The following MPDZ variants were observed in gnomAD, a reference collection of about 807,000 sequenced individuals.
The protein encoded by MPDZ is multiple PDZ domain protein.
In MPDZ, 234 loss-of-function variants were observed where a neutral mutation model predicts 239.1. That is an observed-to-expected ratio of 0.98 (90% CI 0.88 to 1.09). The LOEUF is 1.09. Ranked by LOEUF, MPDZ falls within the 50% of genes least tolerant of loss-of-function variation. The pLI, the probability that MPDZ is intolerant of heterozygous loss-of-function variation, is 0.00. For missense variants in MPDZ, 3,175 were observed against 2,510.0 expected, an observed-to-expected ratio of 1.26 and a Z score of -5.66; for synonymous variants, 1,048 against 881.3, an observed-to-expected ratio of 1.19 and a Z score of -3.35.
chr9:13,214,373 A>T (rs187002852), intron 10 of MPDZ, among the ~76,000 whole-genome samples: 1 of 152,124 alleles, frequency 6.6e-6, no homozygotes, highest in Admixed American at 6.6e-5. Flanking sequence ...GAACAGGCAA[A>T]TCCATAGAGA....
chr9:13,202,583 C>G (rs182143232), intron 12 of MPDZ, among the ~76,000 whole-genome samples: 1 of 152,118 alleles, frequency 6.6e-6, no homozygotes. Context: ...CCCAATTCAC[C>G]CCAAGTGCTT....
intron 21 of MPDZ, among the ~76,000 whole-genome samples, chr9:13,171,405 C>T (rs1313109692): frequency 6.6e-6 from 1 of 152,094 alleles, no homozygotes; most frequent in Non-Finnish European, 1.5e-5. Flanking sequence ...ATGTGAAAAT[C>T]AGAGATAGAC....
intron 1 of MPDZ, among the ~76,000 whole-genome samples, chr9:13,271,646 G>A (rs1296242362): frequency 2.6e-5 from 4 of 152,184 alleles, no homozygotes; most frequent in Non-Finnish European, 1.5e-5. Context: ...TGTTCTGTTA[G>A]TTTTAATTCA....
At chr9:13,157,298 TAAA>T in intron 24 of MPDZ, among the ~76,000 whole-genome samples, 1 of 152,308 alleles carries the variant, frequency 6.6e-6, no homozygotes, top group East Asian at 1.9e-4. Flanking sequence ...CTTGTGTTCT[TAAA>T]TTGTTTCATG....
chr9:13,206,227 G>A (rs1056758769), intron 10 of MPDZ, 128 bp from the exon 11 acceptor site: 2 of 865,570 alleles, frequency 2.3e-6, no homozygotes, highest in Non-Finnish European at 3.4e-6. Flanking sequence ...CACCTTATCA[G>A]GGAATTGACA....
At chr9:13,107,380 G>A (rs1034282660) in intron 46 of MPDZ, among the ~76,000 whole-genome samples, 3 of 152,218 alleles carry the variant, frequency 2.0e-5, no homozygotes, top group Non-Finnish European at 4.4e-5. Flanking sequence ...GTTCAGCACA[G>A]CAGTTGGTGG....
chr9:13,233,571 G>A (rs371559769), intron 3 of MPDZ, among the ~76,000 whole-genome samples: 1 of 152,196 alleles, frequency 6.6e-6, no homozygotes, highest in African/African-American at 2.4e-5. Context: ...TGATTTCGGT[G>A]AGGGTTACAT....
At chr9:13,124,471 A>G (rs1944828067) in intron 35 of MPDZ, among the ~76,000 whole-genome samples, 1 of 152,198 alleles carries the variant, frequency 6.6e-6, no homozygotes, top group South Asian at 2.1e-4. Flanking sequence ...TTACAGAAAA[A>G]GCCAATGCCT....
chr9:13,165,075 C>T (rs532417269), intron 22 of MPDZ, among the ~76,000 whole-genome samples: 18 of 152,184 alleles, frequency 1.2e-4, no homozygotes, highest in Non-Finnish European at 2.4e-4. Flanking sequence ...GAGACTATTC[C>T]TGCACGTGCA....
chr9:13,180,695 T>C (rs1428230552), intron 19 of MPDZ, among the ~76,000 whole-genome samples: 1 of 152,022 alleles, frequency 6.6e-6, no homozygotes, highest in Non-Finnish European at 1.5e-5. Context: ...CATAAAATAA[T>C]AAGAAAGGAA....
intron 3 of MPDZ, among the ~76,000 whole-genome samples, chr9:13,240,658 G>C (rs1476953629): frequency 7.3e-6 from 1 of 137,286 alleles, no homozygotes; most frequent in Non-Finnish European, 1.5e-5. Context: ...GTCTATCAAT[G>C]AATAATTGTG....
intron 31 of MPDZ, chr9:13,134,897 T>G (rs1365344952): frequency 6.6e-6 from 1 of 152,442 alleles, no homozygotes; most frequent in Non-Finnish European, 1.5e-5. Flanking sequence ...CCCTCCTGGT[T>G]CTTCATAGTC....
chr9:13,198,435 CA>C (rs377152912), intron 12 of MPDZ, among the ~76,000 whole-genome samples: 75 of 152,042 alleles, frequency 4.9e-4, no homozygotes, highest in African/African-American at 1.7e-3. Context: ...CATTTTTAAT[CA>C]GATTATTTGA....
In MPDZ at chr9:13,113,981, G is replaced by C. The variant is rs755059203; in HGVS notation, c.5507C>G (p.Ser1836Cys). Reference protein sequence around the residue: ...GSLSSFTFPLSGSSTSESLES... With the variant: ...GSLSSFTFPLCGSSTSESLES... ...CAGTGACTCAGATGTACTGGATCCAGAGAGTGGAAAAGTGAAAGATGACAG... is the reference window on the plus strand; with the variant it reads ...CAGTGACTCAGATGTACTGGATCCACAGAGTGGAAAAGTGAAAGATGACAG... The change falls in exon 41 of 47, where the codon TCT becomes TGT. Residue 1836 changes from serine to cysteine, a missense_variant. Transcript: ENST00000319217. The C allele has an allele frequency of 3.1e-6, 5 of 1,599,090 alleles. No individual in the cohort carries two copies. Among genetic ancestry groups the C allele is most frequent in the Middle Eastern group, 1.6e-4 (1 of 6,072 alleles).
intron 7 of MPDZ, 24 bp from the exon 8 acceptor site, chr9:13,219,792 T>C: frequency 5.6e-6 from 9 of 1,602,478 alleles, no homozygotes; most frequent in Non-Finnish European, 7.7e-6. Context: ...TATTGAATAA[T>C]TAGACTATTA....
chr9:13,237,087 A>T (rs1964244261), intron 3 of MPDZ, among the ~76,000 whole-genome samples: 1 of 152,070 alleles, frequency 6.6e-6, no homozygotes, highest in South Asian at 2.1e-4. Context: ...ATACAGTAAA[A>T]CTTGTTAATT....
chr9:13,187,971 T>C (rs1361723165), intron 17 of MPDZ, among the ~76,000 whole-genome samples: 1 of 152,286 alleles, frequency 6.6e-6, no homozygotes, highest in East Asian at 1.9e-4. Flanking sequence ...AGCCACAAAC[T>C]GATGAACCCA....
Position 13,110,584 on chromosome 9 carries a change from T to C in MPDZ, c.5829+52A>G, listed in dbSNP as rs897153183. 4.7e-6 allele frequency: 6 copies of C among 1,270,314 alleles called. No homozygotes were observed. In the African/African-American group the frequency reaches 7.3e-5, roughly 16 times the overall value. The allele number at this position is 1,270,314 out of a possible 1,614,324, so 78.7% of individuals were successfully genotyped here. On this transcript the variant is annotated intron_variant, in intron 44 of 46. Coordinates refer to ENST00000319217, the MANE Select transcript of MPDZ (RefSeq NM_001378778.1). ...TTTACTGCTTTAACATCAAAGCTCA[T>C]GTGTCTTCAGGCTACCTATATTCTG...
At position 13,106,877 on chromosome 9, in the gene MPDZ, C is replaced by G. The variant is rs924721624; in HGVS notation, c.*88G>C. On this transcript the variant is annotated 3_prime_UTR_variant, in exon 47 of 47. Transcript: ENST00000319217. Reference sequence around the variant, plus strand: ...CTACAGTTTTGAAGACCCGGCTGAACACAGCATAAAAATTGTCAGGACCAG... The same window carrying G: ...CTACAGTTTTGAAGACCCGGCTGAAGACAGCATAAAAATTGTCAGGACCAG... 4 of 1,447,440 alleles carry G rather than the reference C, an allele frequency of 2.8e-6. No individual in the cohort carries two copies. The highest frequency in any genetic ancestry group is 3.8e-6 in the Non-Finnish European group (4 of 1,053,802). The allele number at this position is 1,447,440 out of a possible 1,614,324, so 89.7% of individuals were successfully genotyped here. A position where few individuals can be genotyped will look rare whatever the true frequency, so the allele number is the denominator to read the frequency against.
Sources: gnomAD v4.1 joint callset for allele counts (sites outside exome capture counted in the v4.1 genomes callset) on GRCh38, gnomAD v4.1.1 for gene constraint, MANE v1.5 for transcripts, NCBI Gene and HGNC (gene_info 2026-07-23, HGNC 2026-07-21) for gene names.